The following TRPC4 variants were observed in gnomAD, a reference collection of about 807,000 sequenced individuals.
The protein encoded by TRPC4 is transient receptor potential cation channel subfamily C member 4, also known as short transient receptor potential channel 4.
Under a neutral mutation model 99.4 loss-of-function variants are expected in TRPC4, and 49 were observed. The ratio of observed to expected loss-of-function variants is 0.49; its 90% CI spans 0.39 to 0.63. The LOEUF (loss-of-function observed/expected upper bound fraction) is 0.63. TRPC4 is among the 20% of genes least tolerant of loss of function. TRPC4 has a pLI of 0.00. For synonymous variants in TRPC4, 454 were observed against 425.9 expected (o/e 1.07, Z -0.81); for missense variants, 898 against 1,152.9 (o/e 0.78, Z 3.20).
intron 2 of TRPC4, among the ~76,000 whole-genome samples, chr13:37,749,019 C>T (rs1373260553): frequency 1.3e-5 from 2 of 152,094 alleles, no homozygotes; most frequent in African/African-American, 4.8e-5. Context: ...TGGTGAGCAG[C>T]GACTGGATCA....
At chr13:37,715,225 G>A (rs770088240) in intron 3 of TRPC4, among the ~76,000 whole-genome samples, 1 of 152,114 alleles carries the variant, frequency 6.6e-6, no homozygotes, top group South Asian at 2.1e-4. Flanking sequence ...TATGAGCCAC[G>A]TGATATTGCC....
At chr13:37,695,466 A>T (rs1347101883) in intron 3 of TRPC4, among the ~76,000 whole-genome samples, 2 of 152,148 alleles carry the variant, frequency 1.3e-5, no homozygotes, top group Non-Finnish European at 2.9e-5. Context: ...CATGAGTCAT[A>T]GGAGGAACTA....
intron 6 of TRPC4, among the ~76,000 whole-genome samples, chr13:37,658,932 G>T (rs1359940429): frequency 6.6e-6 from 1 of 152,002 alleles, no homozygotes; most frequent in Non-Finnish European, 1.5e-5. Context: ...TCTGAGGTAG[G>T]ATTTGGAAAA....
intron 2 of TRPC4, among the ~76,000 whole-genome samples, chr13:37,747,489 T>A (rs1029924079): frequency 6.6e-6 from 1 of 151,894 alleles, no homozygotes; most frequent in Non-Finnish European, 1.5e-5. Flanking sequence ...TAATGCTACA[T>A]AAGGGCAGTT....
At chr13:37,689,562 C>T (rs753508963) in intron 4 of TRPC4, among the ~76,000 whole-genome samples, 4 of 152,156 alleles carry the variant, frequency 2.6e-5, no homozygotes, top group Non-Finnish European at 4.4e-5. Context: ...AAATTAACTC[C>T]CTACAGTCAG....
intron 2 of TRPC4, among the ~76,000 whole-genome samples, chr13:37,751,055 C>T (rs1157292976): frequency 6.6e-6 from 1 of 152,096 alleles, no homozygotes; most frequent in Non-Finnish European, 1.5e-5. Context: ...AATGGACTTG[C>T]TGTCCGGCTA....
At chr13:37,776,012 G>A (rs577324599) in intron 2 of TRPC4, among the ~76,000 whole-genome samples, 2 of 151,776 alleles carry the variant, frequency 1.3e-5, no homozygotes, top group Non-Finnish European at 2.9e-5. Flanking sequence ...ATATGAGTCA[G>A]AATAGCCAAG....
intron 3 of TRPC4, among the ~76,000 whole-genome samples, chr13:37,735,761 A>G (rs1197067946): frequency 6.6e-6 from 1 of 152,224 alleles, no homozygotes; most frequent in East Asian, 1.9e-4. Context: ...CTGCATCATA[A>G]AGAGCTGCTT....
intron 6 of TRPC4, among the ~76,000 whole-genome samples, chr13:37,658,114 CA>C (rs2138658544): frequency 6.6e-6 from 1 of 152,262 alleles, no homozygotes; most frequent in African/African-American, 2.4e-5. Context: ...ATTGCCCATA[CA>C]TTGAAGGATC....
At chr13:37,698,480 T>C (rs1416005040) in intron 3 of TRPC4, among the ~76,000 whole-genome samples, 1 of 152,136 alleles carries the variant, frequency 6.6e-6, no homozygotes, top group South Asian at 2.1e-4. Context: ...CTTTGAATAA[T>C]GTGGGACAGT....
At chr13:37,704,888 G>A (rs1055483683) in intron 3 of TRPC4, among the ~76,000 whole-genome samples, 4 of 152,060 alleles carry the variant, frequency 2.6e-5, no homozygotes, top group Non-Finnish European at 4.4e-5. Context: ...AAATAGTATG[G>A]AGGGTCTTAA....
intron 10 of TRPC4, among the ~76,000 whole-genome samples, chr13:37,637,984 A>G (rs1260838559): frequency 1.3e-5 from 2 of 152,116 alleles, no homozygotes; most frequent in African/African-American, 4.8e-5. Flanking sequence ...GGTGTATTTT[A>G]TAAGATTTTT....
chr13:37,677,362 G>T (rs916853851), intron 4 of TRPC4, among the ~76,000 whole-genome samples: 2 of 151,918 alleles, frequency 1.3e-5, no homozygotes, highest in African/African-American at 4.8e-5. Flanking sequence ...TCAATGAAAT[G>T]TATGATCTAA....
At chr13:37,664,010 A>G (rs141631040) in intron 5 of TRPC4, among the ~76,000 whole-genome samples, 1 of 152,284 alleles carries the variant, frequency 6.6e-6, no homozygotes, top group East Asian at 1.9e-4. Flanking sequence ...TGTAAATACA[A>G]CCTAACTTAC....
At chr13:37,747,458 A>G (rs1339675252) in intron 2 of TRPC4, among the ~76,000 whole-genome samples, 1 of 152,186 alleles carries the variant, frequency 6.6e-6, no homozygotes, top group African/African-American at 2.4e-5. Context: ...GCACAAAGCC[A>G]TAGAGGCATT....
intron 6 of TRPC4, among the ~76,000 whole-genome samples, chr13:37,661,498 T>A (rs914877651): frequency 2.0e-5 from 3 of 152,210 alleles, no homozygotes; most frequent in Non-Finnish European, 2.9e-5. Flanking sequence ...CAGTTTTAAA[T>A]GCTACGTGGA....
At chr13:37,729,660 G>C (rs1051060190) in intron 3 of TRPC4, among the ~76,000 whole-genome samples, 1 of 152,018 alleles carries the variant, frequency 6.6e-6, no homozygotes, top group Admixed American at 6.6e-5. Context: ...GCATTAAAAA[G>C]GAAGGAAAAA....
At chr13:37,847,074 C>G (rs1044378439) in intron 1 of TRPC4, among the ~76,000 whole-genome samples, 1 of 151,786 alleles carries the variant, frequency 6.6e-6, no homozygotes, top group African/African-American at 2.4e-5. Context: ...ATTAAATTAT[C>G]TAAAGAAAGA....
At chr13:37,717,559 A>G (rs1277081131) in intron 3 of TRPC4, among the ~76,000 whole-genome samples, 2 of 152,148 alleles carry the variant, frequency 1.3e-5, no homozygotes, top group African/African-American at 4.8e-5. Flanking sequence ...CCAGAACCTT[A>G]GAGTGTGACA....
Sources: gnomAD v4.1 joint callset for allele counts (sites outside exome capture counted in the v4.1 genomes callset) on GRCh38, gnomAD v4.1.1 for gene constraint, MANE v1.5 for transcripts, NCBI Gene and HGNC (gene_info 2026-07-23, HGNC 2026-07-21) for gene names.